PSD3: variants seen among roughly 807,000 people sequenced by gnomAD.
PSD3 encodes the protein PH and SEC7 domain-containing protein 3.
A neutral mutation model predicts 105.5 loss-of-function variants in PSD3; 49 were observed. That is an observed-to-expected ratio of 0.46 (90% CI 0.37 to 0.59). The LOEUF is 0.59. Among genes scored for constraint, PSD3 ranks in the 20% least tolerant of loss-of-function variants. The probability of loss-of-function intolerance (pLI) is 0.00; values close to 1 mark genes in which losing one functional copy is unlikely to be tolerated. For synonymous variants in PSD3, 557 were observed against 457.8 expected, an observed-to-expected ratio of 1.22 and a Z score of -2.77; for missense variants, 1,561 against 1,263.8, an observed-to-expected ratio of 1.24 and a Z score of -3.57.
intron 1 of PSD3, among the ~76,000 whole-genome samples, chr8:18,974,183 C>T (rs538149696): frequency 6.6e-6 from 1 of 152,340 alleles, no homozygotes; most frequent in East Asian, 1.9e-4. Context: ...ATCTTCACTT[C>T]AAGCCAAGGT....
intron 2 of PSD3, among the ~76,000 whole-genome samples, chr8:18,914,932 G>A (rs1021312101): frequency 1.3e-5 from 2 of 152,076 alleles, no homozygotes; most frequent in East Asian, 1.9e-4. Context: ...GAGGCATCAC[G>A]TTACTTGACT....
chr8:18,898,991 C>G (rs1819326796), intron 2 of PSD3, among the ~76,000 whole-genome samples: 1 of 152,130 alleles, frequency 6.6e-6, no homozygotes, highest in Non-Finnish European at 1.5e-5. Flanking sequence ...AGTACCAATC[C>G]TTCTTCCACT....
At chr8:18,603,462 G>A (rs1804586044) in intron 11 of PSD3, among the ~76,000 whole-genome samples, 2 of 152,010 alleles carry the variant, frequency 1.3e-5, no homozygotes, top group Admixed American at 1.3e-4. Context: ...TAGTGAGGAG[G>A]GTCTTTTGGT....
At chr8:18,647,473 A>T (rs1808127645) in intron 10 of PSD3, among the ~76,000 whole-genome samples, 1 of 152,214 alleles carries the variant, frequency 6.6e-6, no homozygotes, top group Admixed American at 6.5e-5. Flanking sequence ...CACGATGCAA[A>T]GTTGTAAAAT....
chr8:18,588,894 A>G (rs1803390491), intron 12 of PSD3, among the ~76,000 whole-genome samples: 1 of 127,890 alleles, frequency 7.8e-6, no homozygotes, highest in Non-Finnish European at 1.9e-5. Flanking sequence ...ATGTGAGAAT[A>G]GTGTTCTCTT....
chr8:18,882,134 G>A (rs1818144796), intron 2 of PSD3, among the ~76,000 whole-genome samples: 1 of 152,116 alleles, frequency 6.6e-6, no homozygotes, highest in South Asian at 2.1e-4. Context: ...CTTGAGCCTG[G>A]GAGGTTGAGG....
chr8:19,005,610 G>C (rs1826638289), intron 1 of PSD3, among the ~76,000 whole-genome samples: 3 of 151,888 alleles, frequency 2.0e-5, no homozygotes, highest in Non-Finnish European at 2.9e-5. Flanking sequence ...TCAGCCTCCT[G>C]AGTGGCTGCG....
At chr8:18,968,574 A>C (rs1444167660) in intron 1 of PSD3, among the ~76,000 whole-genome samples, 2 of 152,172 alleles carry the variant, frequency 1.3e-5, no homozygotes, top group Non-Finnish European at 2.9e-5. Context: ...TGCAGAGCAT[A>C]CTTTAAAATG....
chr8:18,537,868 G>C (rs557677237), intron 15 of PSD3, among the ~76,000 whole-genome samples: 108 of 152,276 alleles, frequency 7.1e-4, no homozygotes, highest in Admixed American at 2.4e-3. Flanking sequence ...GTAGAGATGG[G>C]GTTTCGCCAT....
Position 19,045,207 on chromosome 8 carries a change from A to G in PSD3, c.324+38999T>C, listed in dbSNP as rs540119198. On this transcript the variant is annotated intron_variant, in intron 1 of 1. Coordinates refer to the PSD3 transcript ENST00000521475. Reference sequence around the variant, plus strand: ...CAAAAACAAAAAAACAAAAACCCAGAAAGAAAGAAAAAGAAAAAGAAAAGT... The same window carrying G: ...CAAAAACAAAAAAACAAAAACCCAGGAAGAAAGAAAAAGAAAAAGAAAAGT... Among the ~76,000 whole-genome samples, 14 of 152,142 alleles carry G rather than the reference A, an allele frequency of 9.2e-5. No individual in the cohort carries two copies. In the South Asian group the frequency reaches 1.7e-3, roughly 18 times the overall value.
chr8:19,021,803 A>T (rs796425134), intron 1 of PSD3, among the ~76,000 whole-genome samples: 5 of 152,352 alleles, frequency 3.3e-5, no homozygotes, highest in African/African-American at 1.2e-4. Context: ...TAAACTATGC[A>T]GTCCTTAGTC....
At chr8:18,564,159 A>G (rs1389748108) in intron 14 of PSD3, among the ~76,000 whole-genome samples, 1 of 151,292 alleles carries the variant, frequency 6.6e-6, no homozygotes, top group Non-Finnish European at 1.5e-5. Flanking sequence ...GTTTACTAAT[A>G]TTTATTACTG....
chr8:19,037,975 T>C (rs1463050908), intron 1 of PSD3, among the ~76,000 whole-genome samples: 1 of 149,874 alleles, frequency 6.7e-6, no homozygotes, highest in Non-Finnish European at 1.5e-5. Context: ...TATATAATTT[T>C]AGGAGAAAAT....
At chr8:18,858,299 C>A (rs1816181348) in intron 4 of PSD3, among the ~76,000 whole-genome samples, 1 of 152,156 alleles carries the variant, frequency 6.6e-6, no homozygotes, top group Admixed American at 6.5e-5. Flanking sequence ...CCTTTAAAAA[C>A]AAACTTTATT....
At chr8:19,052,624 G>T (rs528371946) in intron 1 of PSD3, among the ~76,000 whole-genome samples, 92 of 152,336 alleles carry the variant, frequency 6.0e-4, no homozygotes, top group Non-Finnish European at 8.8e-4. Flanking sequence ...GAGGAATGGG[G>T]TGGAGGCTTC....
At chr8:19,037,111 G>A (rs1343134562) in intron 1 of PSD3, among the ~76,000 whole-genome samples, 1 of 152,216 alleles carries the variant, frequency 6.6e-6, no homozygotes, top group Non-Finnish European at 1.5e-5. Flanking sequence ...TAACGTATTT[G>A]TGGTTTAAAG....
chr8:18,771,705 G>C (rs1019026543), intron 8 of PSD3, among the ~76,000 whole-genome samples: 2 of 152,128 alleles, frequency 1.3e-5, no homozygotes, highest in African/African-American at 4.8e-5. Context: ...TCTAGCTGTT[G>C]AGCTTTATAT....
intron 1 of PSD3, among the ~76,000 whole-genome samples, chr8:19,051,297 T>C (rs1828521050): frequency 6.6e-6 from 1 of 152,186 alleles, no homozygotes; most frequent in Non-Finnish European, 1.5e-5. Flanking sequence ...ATCCAGGTCC[T>C]AAGAAGGCTT....
intron 10 of PSD3, among the ~76,000 whole-genome samples, chr8:18,634,439 G>A (rs1038724628): frequency 2.6e-5 from 4 of 151,904 alleles, no homozygotes; most frequent in African/African-American, 9.7e-5. Flanking sequence ...AATAACTATC[G>A]TAAAAAATTT....
Sources: gnomAD v4.1 joint callset for allele counts (sites outside exome capture counted in the v4.1 genomes callset) on GRCh38, gnomAD v4.1.1 for gene constraint, MANE v1.5 for transcripts, NCBI Gene and HGNC (gene_info 2026-07-23, HGNC 2026-07-21) for gene names.